MAPK10: variants seen among roughly 807,000 people sequenced by gnomAD.
MAPK10 encodes JNK3 alpha protein kinase.
In MAPK10, 25 loss-of-function variants were observed where a neutral mutation model predicts 59.3. The ratio of observed to expected loss-of-function variants is 0.42; its 90% CI spans 0.31 to 0.59. The LOEUF (loss-of-function observed/expected upper bound fraction) is 0.59. Ranked by LOEUF, MAPK10 falls within the 20% of genes least tolerant of loss-of-function variation. The pLI is 0.15. For synonymous variants in MAPK10, 190 were observed against 200.5 expected, an observed-to-expected ratio of 0.95 and a Z score of 0.44; for missense variants, 351 against 568.9, an observed-to-expected ratio of 0.62 and a Z score of 3.90.
intron 1 of MAPK10, among the ~76,000 whole-genome samples, chr4:86,508,096 CAT>C (rs1564964397): frequency 1.3e-5 from 2 of 152,048 alleles, no homozygotes; most frequent in East Asian, 3.9e-4. Context: ...TGAACACACA[CAT>C]AGTTTACTAT....
chr4:86,237,028 C>T (rs186300705), intron 2 of MAPK10, among the ~76,000 whole-genome samples: 1 of 151,878 alleles, frequency 6.6e-6, no homozygotes, highest in Non-Finnish European at 1.5e-5. Flanking sequence ...GTGTGTTGTT[C>T]CCCTCTGTGT....
chr4:86,315,095 T>C (rs1387328190), intron 2 of MAPK10, among the ~76,000 whole-genome samples: 1 of 152,060 alleles, frequency 6.6e-6, no homozygotes, highest in Non-Finnish European at 1.5e-5. Context: ...TAAAATACAT[T>C]TGAGAGGATG....
intron 2 of MAPK10, among the ~76,000 whole-genome samples, chr4:86,341,256 T>C (rs766206623): frequency 9.8e-5 from 15 of 152,312 alleles, no homozygotes; most frequent in South Asian, 2.1e-4. Context: ...CGAGCTTTGG[T>C]TTGCTGAGCA....
At chr4:86,298,262 T>C (rs1220152793) in intron 2 of MAPK10, among the ~76,000 whole-genome samples, 4 of 152,168 alleles carry the variant, frequency 2.6e-5, no homozygotes, top group Non-Finnish European at 4.4e-5. Context: ...CATTTCCAGA[T>C]GAGGGGCTAT....
At chr4:86,441,226 C>A (rs967665289) in intron 1 of MAPK10, among the ~76,000 whole-genome samples, 1 of 152,158 alleles carries the variant, frequency 6.6e-6, no homozygotes, top group African/African-American at 2.4e-5. Context: ...CTTGTTTCTA[C>A]AAAGTAAACC....
chr4:86,429,947 A>G (rs1747815062), intron 1 of MAPK10: 1 of 152,146 alleles, frequency 6.6e-6, no homozygotes, highest in Non-Finnish European at 1.5e-5. Flanking sequence ...ATACTGTAAT[A>G]TTAACTTATT....
At chr4:86,449,295 T>C (rs1750417564) in intron 1 of MAPK10, among the ~76,000 whole-genome samples, 1 of 152,158 alleles carries the variant, frequency 6.6e-6, no homozygotes. Flanking sequence ...AAGCTCTGAG[T>C]TCACCAGCAG....
intron 2 of MAPK10, among the ~76,000 whole-genome samples, chr4:86,339,412 A>G (rs1407174052): frequency 6.6e-6 from 1 of 152,182 alleles, no homozygotes; most frequent in African/African-American, 2.4e-5. Context: ...AGGTTGCCTT[A>G]CCTTCTTTTC....
chr4:86,209,026 T>TA (rs2085020883), intron 2 of MAPK10, among the ~76,000 whole-genome samples: 1 of 152,088 alleles, frequency 6.6e-6, no homozygotes, highest in African/African-American at 2.4e-5. Context: ...CAATAGTTGG[T>TA]AAGGTTGAAG....
chr4:86,207,893 A>AT (rs534843933), intron 2 of MAPK10, among the ~76,000 whole-genome samples: 12,870 of 152,030 alleles, frequency 0.085, 1,203 homozygotes, highest in African/African-American at 0.23. Context: ...TTGTACATTG[A>AT]TTTTGTATCC....
intron 1 of MAPK10, among the ~76,000 whole-genome samples, chr4:86,401,242 G>A (rs62308361): frequency 0.26 from 38,865 of 152,018 alleles, 5,589 homozygotes; most frequent in Non-Finnish European, 0.32. Flanking sequence ...AATATATTCT[G>A]TTCTACGTTA....
At chr4:86,169,242 G>A (rs1348800919) in intron 3 of MAPK10, among the ~76,000 whole-genome samples, 1 of 152,178 alleles carries the variant, frequency 6.6e-6, no homozygotes, top group African/African-American at 2.4e-5. Flanking sequence ...GAGAGAAGAA[G>A]GCTACAGACG....
intron 1 of MAPK10, among the ~76,000 whole-genome samples, chr4:86,569,154 T>C (rs1761275004): frequency 6.6e-6 from 1 of 151,972 alleles, no homozygotes; most frequent in African/African-American, 2.4e-5. Flanking sequence ...GAACAGACAC[T>C]TATCAAAAAA....
intron 1 of MAPK10, among the ~76,000 whole-genome samples, chr4:86,366,340 A>G (rs980936098): frequency 6.6e-6 from 1 of 152,164 alleles, no homozygotes; most frequent in African/African-American, 2.4e-5. Flanking sequence ...ATATGGGTAT[A>G]TGCATTCGTC....
At chr4:86,180,148 T>C (rs1460283804) in intron 3 of MAPK10, among the ~76,000 whole-genome samples, 1 of 151,374 alleles carries the variant, frequency 6.6e-6, no homozygotes, top group Non-Finnish European at 1.5e-5. Context: ...AACAACAAAA[T>C]CTGGATTATA....
At chr4:86,321,411 A>C (rs1441085367) in intron 2 of MAPK10, among the ~76,000 whole-genome samples, 9 of 152,056 alleles carry the variant, frequency 5.9e-5, no homozygotes, top group Non-Finnish European at 1.2e-4. Flanking sequence ...AGCCATAAAA[A>C]ATGATGAGTT....
chr4:86,424,834 G>A (rs566215143), intron 1 of MAPK10, among the ~76,000 whole-genome samples: 1 of 152,256 alleles, frequency 6.6e-6, no homozygotes, highest in African/African-American at 2.4e-5. Context: ...AGACAAACAA[G>A]AGAGAAAAGC....
In MAPK10 at chr4:86,203,009, A is replaced by C. The variant is rs575863639; in HGVS notation, c.-6-8602T>G. Among the ~76,000 whole-genome samples the C allele has an allele frequency of 1.3e-4, 20 of 152,100 alleles. 1 individual carries two copies. In the South Asian group the frequency reaches 3.9e-3, roughly 30 times the overall value. ...AGAGAGCATTTGGCCCATTGTATAG[A>C]AACAACACAGATGATCAAGGTGGTA... On this transcript the variant is annotated intron_variant, in intron 2 of 13. Transcript: ENST00000641462.
chr4:86,077,354 G>A (rs186388722), intron 9 of MAPK10, among the ~76,000 whole-genome samples: 1 of 152,172 alleles, frequency 6.6e-6, no homozygotes, highest in East Asian at 1.9e-4. Context: ...TTTCTAAAAC[G>A]ATAATGCCTT....
Sources: allele counts gnomAD v4.1 joint callset (sites outside exome capture counted in the v4.1 genomes callset), GRCh38; gene constraint gnomAD v4.1.1; transcripts MANE v1.5; gene names NCBI Gene and HGNC (gene_info 2026-07-23, HGNC 2026-07-21).